The following UBE2D4 variants were observed in gnomAD, a reference collection of about 807,000 sequenced individuals.
UBE2D4 encodes ubiquitin-conjugating enzyme E2 D4.
A neutral mutation model predicts 23.0 loss-of-function variants in UBE2D4; 17 were observed. The observed-to-expected ratio is 0.74, with a 90% confidence interval of 0.51 to 1.11. The LOEUF is 1.11. Ranked by LOEUF, UBE2D4 falls within the 50% of genes least tolerant of loss-of-function variation. The pLI is 0.00. For missense variants in UBE2D4, 139 were observed against 181.8 expected (o/e 0.76, Z 1.35); for synonymous variants, 61 against 69.4 (o/e 0.88, Z 0.60).
chr7:43,926,657 G>A (rs1461990228), intron 1 of UBE2D4, 101 bp downstream of exon 1: 8 of 1,292,450 alleles, frequency 6.2e-6, no homozygotes, highest in Non-Finnish European at 7.3e-6. Context: ...GGCTCCGCGA[G>A]TCGCGGATAC....
At chr7:43,950,515 A>G in intron 5 of UBE2D4, 84 bp from the exon 6 acceptor site, 1 of 1,001,566 alleles carries the variant, frequency 1.0e-6, no homozygotes, top group Non-Finnish European at 1.6e-6. Flanking sequence ...GTCAAAATAC[A>G]GAGTGCAAGT....
intron 2 of UBE2D4, 33 bp downstream of exon 2, chr7:43,938,527 G>T (rs1398074328): frequency 1.2e-6 from 2 of 1,608,318 alleles, no homozygotes. Context: ...AGTTGTAGGA[G>T]CATTTTAATT....
intron 2 of UBE2D4, chr7:43,942,546 GAGA>G (rs2095975480): frequency 1.0e-5 from 6 of 579,878 alleles, no homozygotes; most frequent in East Asian, 2.9e-5. Flanking sequence ...TCCACGGAGA[GAGA>G]AGAATAGAAA....
In UBE2D4 at chr7:43,942,988, T is replaced by C. The variant is rs756532006; in HGVS notation, c.155T>C (p.Leu52Pro). 2 of 1,614,220 alleles carry C rather than the reference T, an allele frequency of 1.2e-6. No individual in the cohort carries two copies. Among genetic ancestry groups the C allele is most frequent in the South Asian group, 2.2e-5 (2 of 91,084 alleles). The change falls in exon 4 of 7, where the codon CTG becomes CCG. Residue 52 changes from leucine (L) to proline (P), a missense_variant. By Grantham distance (98) the Leu-to-Pro change is moderately conservative. Transcript: ENST00000222402. ...DSPYQGGVFF[L>P]TIHFPTDYPF... Reference sequence around the variant, plus strand: ...CCTTACCAAGGAGGTGTTTTCTTCCTGACCATCCACTTTCCTACAGATTAC... The same window carrying C: ...CCTTACCAAGGAGGTGTTTTCTTCCCGACCATCCACTTTCCTACAGATTAC...
At chr7:43,927,299 C>CT (rs71769283) in intron 1 of UBE2D4, among the ~76,000 whole-genome samples, 18,367 of 131,142 alleles carry the variant, frequency 0.14, 1,480 homozygotes, top group Admixed American at 0.18. Flanking sequence ...GTATTTATAA[C>CT]TTTTTTTTTT....
chr7:43,952,871 G>T lies in UBE2D4; in HGVS notation c.*176G>T, dbSNP rs1005329109. 4 of 585,512 alleles carry T rather than the reference G, an allele frequency of 6.8e-6. No individual in the cohort carries two copies. Among genetic ancestry groups the T allele is most frequent in the Non-Finnish European group, 9.3e-6 (3 of 321,024 alleles). The allele number at this position is 585,512 out of a possible 1,614,324, so 36.3% of individuals were successfully genotyped here. ...GTTGGTGCCATTTTCAGCAATTACG[G>T]CTTTGACAGTGCCACCTCTTTGATG... On this transcript the variant is annotated 3_prime_UTR_variant, in exon 7 of 7. Coordinates refer to ENST00000222402, the MANE Select transcript of UBE2D4 (RefSeq NM_015983.4).
rs973919674 is a variant in UBE2D4 at position 43,953,095 on chromosome 7, T to C, written c.*400T>C. The C allele has an allele frequency of 4.4e-6, 2 of 457,116 alleles. No individual in the cohort carries two copies. Among genetic ancestry groups the C allele is most frequent in the Non-Finnish European group, 8.8e-6 (2 of 227,242 alleles). 28.3% of individuals were successfully genotyped at this position (457,116 alleles called of 1,614,324 possible). A position where few individuals can be genotyped will look rare whatever the true frequency, so the allele number is the denominator to read the frequency against. On this transcript the variant is annotated 3_prime_UTR_variant, in exon 7 of 7. Transcript: ENST00000222402. The stretch of plus-strand genomic sequence containing the variant: ...GCCTGGCCCCTCACCACATACCCTT[T>C]GCCTTTTAGAACTCAGTGCCATCCT...
At chr7:43,938,066 T>C (rs2095962436) in intron 1 of UBE2D4, among the ~76,000 whole-genome samples, 1 of 152,080 alleles carries the variant, frequency 6.6e-6, no homozygotes, top group Non-Finnish European at 1.5e-5. Context: ...TTCTTCCATA[T>C]CTTCAGCACC....
chr7:43,946,829 G>A (rs1470802195), intron 4 of UBE2D4, among the ~76,000 whole-genome samples: 2 of 152,004 alleles, frequency 1.3e-5, no homozygotes, highest in Non-Finnish European at 2.9e-5. Flanking sequence ...TAGAAAGGTG[G>A]GGAGGGTTTG....
chr7:43,952,587 G>A, intron 6 of UBE2D4, 63 bp from the exon 7 acceptor site: 1 of 1,418,640 alleles, frequency 7.0e-7, no homozygotes, highest in Non-Finnish European at 1.0e-6. Flanking sequence ...GTTCTCTGCA[G>A]CACATTGAAG....
chr7:43,930,367 C>T (rs1356933894), intron 1 of UBE2D4, among the ~76,000 whole-genome samples: 1 of 152,188 alleles, frequency 6.6e-6, no homozygotes, highest in Non-Finnish European at 1.5e-5. Flanking sequence ...ATCCACAGCC[C>T]TTTCTAACCA....
At chr7:43,930,394 A>T (rs760498472) in intron 1 of UBE2D4, among the ~76,000 whole-genome samples, 2 of 152,232 alleles carry the variant, frequency 1.3e-5, no homozygotes, top group Non-Finnish European at 2.9e-5. Context: ...ACCCTTTAAA[A>T]AAATGTTTTC....
chr7:43,946,318 T>TGTGTGGC (rs1282159880), intron 4 of UBE2D4: 2 of 152,028 alleles, frequency 1.3e-5, no homozygotes, highest in African/African-American at 4.8e-5. Context: ...GAAGAAGTAA[T>TGTGTGGC]GTGTGGCTGT....
intron 5 of UBE2D4, among the ~76,000 whole-genome samples, 173 bp from the exon 6 acceptor site, chr7:43,950,426 C>G (rs1361807983): frequency 6.6e-6 from 1 of 152,134 alleles, no homozygotes; most frequent in East Asian, 1.9e-4. Context: ...GTGAGGACCA[C>G]CTCGGCTGAT....
intron 2 of UBE2D4, chr7:43,942,073 A>G (rs895956881): frequency 5.9e-5 from 9 of 152,782 alleles, no homozygotes; most frequent in African/African-American, 2.2e-4. Context: ...GGCCATACCA[A>G]GTAGACCAGC....
intron 4 of UBE2D4, among the ~76,000 whole-genome samples, chr7:43,946,873 CTTTT>C (rs1562605531): frequency 6.6e-6 from 1 of 151,594 alleles, no homozygotes; most frequent in South Asian, 2.1e-4. Context: ...CTGAGCTTCT[CTTTT>C]TCTTTTTTTT....
chr7:43,927,784 A>T (rs1161906371), intron 1 of UBE2D4, among the ~76,000 whole-genome samples: 2 of 152,178 alleles, frequency 1.3e-5, no homozygotes, highest in African/African-American at 4.8e-5. Context: ...TCCCAGTCCT[A>T]CATGTTTACA....
At chr7:43,928,570 GT>G (rs1019125339) in intron 1 of UBE2D4, among the ~76,000 whole-genome samples, 9 of 152,168 alleles carry the variant, frequency 5.9e-5, no homozygotes, top group Admixed American at 3.3e-4. Flanking sequence ...TCTGGCAGCA[GT>G]GTGGCCGGAA....
At chr7:43,926,580 C>G (rs751298381) in intron 1 of UBE2D4, 24 bp downstream of exon 1, 2 of 1,562,662 alleles carry the variant, frequency 1.3e-6, no homozygotes, top group South Asian at 2.3e-5. Context: ...CACCCTCCAA[C>G]TCTTTGGGTG....
Sources: gnomAD v4.1 joint callset for allele counts (sites outside exome capture counted in the v4.1 genomes callset) on GRCh38, gnomAD v4.1.1 for gene constraint, MANE v1.5 for transcripts, NCBI Gene and HGNC (gene_info 2026-07-23, HGNC 2026-07-21) for gene names.